The following TRIM37 variants were observed in gnomAD, a reference collection of about 807,000 sequenced individuals.
The protein encoded by TRIM37 is tripartite motif containing 37.
Under a neutral mutation model 129.8 loss-of-function variants are expected in TRIM37, and 80 were observed. The observed-to-expected ratio is 0.62, with a 90% confidence interval of 0.51 to 0.74. TRIM37 has a LOEUF of 0.74. Ranked by LOEUF, TRIM37 falls within the 30% of genes least tolerant of loss-of-function variation. The pLI, the probability that TRIM37 is intolerant of heterozygous loss-of-function variation, is 0.00. For missense variants in TRIM37, 1,054 were observed against 1,176.5 expected, an observed-to-expected ratio of 0.90 and a Z score of 1.52; for synonymous variants, 389 against 387.1, an observed-to-expected ratio of 1.00 and a Z score of -0.06.
At position 59,088,322 on chromosome 17, in the gene TRIM37, G is replaced by T. The variant is rs370362829; in HGVS notation, c.250C>A (p.Leu84Ile). 3.7e-6 allele frequency: 6 copies of T among 1,612,722 alleles called. No homozygotes were observed. Among genetic ancestry groups the T allele is most frequent in the Non-Finnish European group, 5.1e-6 (6 of 1,179,056 alleles). Reference sequence around the variant, plus strand: ...TTTTCATTTTCTTCATGTTTGGTGAGACTGCAGAGTTGAAGAGTATCAAGC... The same window carrying T: ...TTTTCATTTTCTTCATGTTTGGTGATACTGCAGAGTTGAAGAGTATCAAGC... Reference protein sequence around the residue: ...QQLDTLQLCSLTKHEENEKDK... With the variant: ...QQLDTLQLCSITKHEENEKDK... The change falls in exon 4 of 24, where the codon CTC (leucine) becomes ATC (isoleucine). Residue 84 changes from leucine (L) to isoleucine (I), a missense_variant. By Grantham distance (5) the Leu-to-Ile change is conservative. Transcript: ENST00000262294.
intron 19 of TRIM37, among the ~76,000 whole-genome samples, chr17:59,023,023 A>G (rs2036793869): frequency 1.3e-5 from 2 of 152,102 alleles, no homozygotes; most frequent in African/African-American, 2.4e-5. Flanking sequence ...TTACTATACT[A>G]TACTATAGAA....
chr17:59,091,801 A>C (rs2044413663), intron 2 of TRIM37, among the ~76,000 whole-genome samples: 1 of 151,122 alleles, frequency 6.6e-6, no homozygotes, highest in Non-Finnish European at 1.5e-5. Flanking sequence ...TCAACACAAA[A>C]TAGCTGTTAA....
chr17:59,060,101 C>T (rs2041345836), intron 12 of TRIM37, among the ~76,000 whole-genome samples: 1 of 152,286 alleles, frequency 6.6e-6, no homozygotes, highest in Non-Finnish European at 1.5e-5. Context: ...GGTATTTTGT[C>T]CAATGCGCTC....
chr17:58,992,569 AG>A (rs1156728272), intron 24 of TRIM37, among the ~76,000 whole-genome samples: 1 of 151,918 alleles, frequency 6.6e-6, no homozygotes, highest in African/African-American at 2.4e-5. Context: ...TAGTAAAGAT[AG>A]GGTTTCTCCA....
chr17:58,999,511 G>C, intron 23 of TRIM37, 52 bp from the exon 24 acceptor site: 9 of 1,442,388 alleles, frequency 6.2e-6, no homozygotes, highest in Non-Finnish European at 8.6e-6. Context: ...ATATAACAAG[G>C]GCAGTATTTT....
chr17:59,070,305 C>T (rs1053995962), intron 9 of TRIM37, among the ~76,000 whole-genome samples: 1 of 152,144 alleles, frequency 6.6e-6, no homozygotes, highest in African/African-American at 2.4e-5. Context: ...GATAACATGG[C>T]GTCACCTTCA....
chr17:59,046,540 G>GTTTT (rs772227639), intron 16 of TRIM37, among the ~76,000 whole-genome samples: 1 of 131,890 alleles, frequency 7.6e-6, no homozygotes. Flanking sequence ...ATGAAAAACA[G>GTTTT]TTTTTTTTTT....
intron 9 of TRIM37, among the ~76,000 whole-genome samples, chr17:59,064,986 G>A (rs986373603): frequency 6.6e-6 from 1 of 152,208 alleles, no homozygotes; most frequent in Non-Finnish European, 1.5e-5. Context: ...CAGATGCGGA[G>A]GTTGCGGTGA....
At chr17:59,024,210 G>GT (rs1381389615) in intron 19 of TRIM37, among the ~76,000 whole-genome samples, 31 of 67,132 alleles carry the variant, frequency 4.6e-4, no homozygotes, top group African/African-American at 2.0e-3. Flanking sequence ...GTGAAATTCC[G>GT]TATCAAAAAA....
chr17:59,028,832 C>T (rs772031835), intron 18 of TRIM37, 109 bp from the exon 19 acceptor site: 127 of 1,140,994 alleles, frequency 1.1e-4, no homozygotes, highest in South Asian at 1.7e-4. Context: ...GCGTGCTTTA[C>T]GTGGTATCAA....
chr17:59,070,773 C>T (rs766000509), intron 9 of TRIM37, 50 bp downstream of exon 9: 1 of 1,580,804 alleles, frequency 6.3e-7, no homozygotes, highest in South Asian at 1.1e-5. Flanking sequence ...CAAGTATATG[C>T]ATTTCCACAT....
intron 16 of TRIM37, among the ~76,000 whole-genome samples, chr17:59,042,374 C>CA (rs1409397122): frequency 0.028 from 1,385 of 49,730 alleles, 34 homozygotes; most frequent in African/African-American, 0.07. Flanking sequence ...GACTCCATCT[C>CA]AAAAAAAAAA....
chr17:59,050,924 G>A (rs1267163022), intron 14 of TRIM37, among the ~76,000 whole-genome samples: 1 of 152,034 alleles, frequency 6.6e-6, no homozygotes, highest in Non-Finnish European at 1.5e-5. Flanking sequence ...AGCTTGCAGT[G>A]AGCCGAGATT....
At chr17:59,096,447 G>A (rs2147446257) in intron 2 of TRIM37, among the ~76,000 whole-genome samples, 1 of 151,182 alleles carries the variant, frequency 6.6e-6, no homozygotes, top group South Asian at 2.1e-4. Flanking sequence ...AGCTACTCGG[G>A]AGGCTGAGGC....
At chr17:59,069,960 T>C (rs2042231944) in intron 9 of TRIM37, among the ~76,000 whole-genome samples, 1 of 152,200 alleles carries the variant, frequency 6.6e-6, no homozygotes, top group East Asian at 1.9e-4. Flanking sequence ...ATCTTGGAAT[T>C]CTTGTTTCTC....
chr17:58,972,090 A>G, the TRIM37 span: 15 of 1,578,164 alleles, frequency 9.5e-6, no homozygotes, highest in East Asian at 2.3e-5. Context: ...TGTAGTATCT[A>G]TTTCTTTTCA....
chr17:59,053,259 C>T lies in TRIM37; in HGVS notation c.1200-1931G>A, dbSNP rs940522913. 4.1e-4 allele frequency among the ~76,000 whole-genome samples: 63 copies of T among 152,288 alleles called. 1 individual carries two copies. Among genetic ancestry groups the T allele is most frequent in the African/African-American group, 1.4e-3 (59 of 41,564 alleles). On this transcript the variant is annotated intron_variant, in intron 13 of 23. Transcript: ENST00000262294. ...TTAATGAAAGAATGAAACATACATT[C>T]ATAGTTATAGAAAAGCCTTAAATAA...
intron 17 of TRIM37, among the ~76,000 whole-genome samples, chr17:59,036,450 GTGT>G (rs1568042115): frequency 1.3e-4 from 17 of 130,638 alleles, no homozygotes; most frequent in African/African-American, 4.4e-4. Context: ...TGCTGGGGGT[GTGT>G]GTGTGTGTGT....
At chr17:59,043,717 G>A (rs1016385460) in intron 16 of TRIM37, among the ~76,000 whole-genome samples, 1 of 152,156 alleles carries the variant, frequency 6.6e-6, no homozygotes. Context: ...GATCATCCCT[G>A]CCCCAGCTTA....
Sources: allele counts gnomAD v4.1 joint callset (sites outside exome capture counted in the v4.1 genomes callset), GRCh38; gene constraint gnomAD v4.1.1; transcripts MANE v1.5; gene names NCBI Gene and HGNC (gene_info 2026-07-23, HGNC 2026-07-21).